THSD7B: variants seen among roughly 807,000 people sequenced by gnomAD.
The protein encoded by THSD7B is thrombospondin type-1 domain-containing protein 7B.
Under a neutral mutation model 213.6 loss-of-function variants are expected in THSD7B, and 138 were observed. That is an observed-to-expected ratio of 0.65 (90% CI 0.56 to 0.74). The LOEUF (loss-of-function observed/expected upper bound fraction) is 0.74, where lower values mean the gene tolerates loss of function less well. THSD7B is among the 30% of genes least tolerant of loss of function. The pLI is 0.00. For missense variants in THSD7B, 1,931 were observed against 1,991.5 expected (o/e 0.97, Z 0.58); for synonymous variants, 742 against 687.0 (o/e 1.08, Z -1.25).
intron 17 of THSD7B, among the ~76,000 whole-genome samples, chr2:137,607,423 AAT>A (rs1475641339): frequency 6.6e-6 from 1 of 152,196 alleles, no homozygotes; most frequent in Non-Finnish European, 1.5e-5. Context: ...TTGATAATTT[AAT>A]ATGTAATCCT....
chr2:137,306,061 G>T (rs1277628079), intron 12 of THSD7B, among the ~76,000 whole-genome samples: 1 of 152,158 alleles, frequency 6.6e-6, no homozygotes, highest in African/African-American at 2.4e-5. Flanking sequence ...AGGACTGGAA[G>T]TTGCTCTGGG....
intron 2 of THSD7B, among the ~76,000 whole-genome samples, chr2:136,992,845 G>A (rs1347977616): frequency 6.6e-6 from 1 of 152,120 alleles, no homozygotes; most frequent in East Asian, 1.9e-4. Flanking sequence ...CCAAGACTAC[G>A]CATGGGTCAT....
intron 27 of THSD7B, 21 bp downstream of exon 27, chr2:137,667,882 A>G (rs1393666553): frequency 1.3e-6 from 2 of 1,537,922 alleles, no homozygotes; most frequent in Admixed American, 3.9e-5. Context: ...ATTAGTAAAA[A>G]GTTTATGTTC....
rs564037110 is a variant in THSD7B, at chr2:137,324,175, C to T, written c.2500+48149C>T. ...TCATTTCACTTATCACATCAGTTTTCAATTTTTGATTACTTCTCTGTGTCC... is the reference window on the plus strand; with the variant it reads ...TCATTTCACTTATCACATCAGTTTTTAATTTTTGATTACTTCTCTGTGTCC... On this transcript the variant is annotated intron_variant, in intron 12 of 27. Transcript: ENST00000409968. Among the ~76,000 whole-genome samples the T allele has an allele frequency of 4.0e-4, 61 of 152,234 alleles. 1 individual carries two copies. The highest frequency in any genetic ancestry group is 1.2e-3 in the African/African-American group (48 of 41,556).
At chr2:137,029,965 T>A (rs1371898830) in intron 2 of THSD7B, among the ~76,000 whole-genome samples, 1 of 152,188 alleles carries the variant, frequency 6.6e-6, no homozygotes, top group African/African-American at 2.4e-5. Context: ...ATATTGGTCA[T>A]ATATTTGTGA....
intron 14 of THSD7B, among the ~76,000 whole-genome samples, chr2:137,418,834 G>A (rs1269352259): frequency 2.6e-5 from 4 of 151,956 alleles, no homozygotes; most frequent in African/African-American, 9.7e-5. Flanking sequence ...ATGACCTCCA[G>A]TTCAATCAAT....
intron 11 of THSD7B, among the ~76,000 whole-genome samples, chr2:137,275,401 T>A (rs1441206010): frequency 6.6e-6 from 1 of 152,090 alleles, no homozygotes; most frequent in East Asian, 1.9e-4. Context: ...TGTGAAGGTC[T>A]GTACCTCAAG....
chr2:137,237,292 A>G (rs1681786664), intron 9 of THSD7B, among the ~76,000 whole-genome samples: 1 of 152,236 alleles, frequency 6.6e-6, no homozygotes, highest in Non-Finnish European at 1.5e-5. Flanking sequence ...TTAAATTTTG[A>G]CAAAAGGCAA....
chr2:136,856,175 TA>T (rs1457127713), intron 1 of THSD7B, among the ~76,000 whole-genome samples: 1 of 152,210 alleles, frequency 6.6e-6, no homozygotes, highest in African/African-American at 2.4e-5. Context: ...GTCACTGGCA[TA>T]TGGTAGACTC....
chr2:137,431,376 G>A (rs917632368), intron 14 of THSD7B, among the ~76,000 whole-genome samples: 2 of 152,192 alleles, frequency 1.3e-5, no homozygotes, highest in Non-Finnish European at 1.5e-5. Flanking sequence ...TATAGTGGCT[G>A]CCCTTAAAGA....
At chr2:137,094,712 T>C (rs1343393242) in intron 3 of THSD7B, among the ~76,000 whole-genome samples, 161 bp from the exon 4 acceptor site, 3 of 152,192 alleles carry the variant, frequency 2.0e-5, no homozygotes, top group East Asian at 3.8e-4. Context: ...AATGTTACAC[T>C]CTTCAATATT....
chr2:137,101,402 T>G (rs1688147281), intron 4 of THSD7B, among the ~76,000 whole-genome samples: 2 of 152,192 alleles, frequency 1.3e-5, no homozygotes, highest in African/African-American at 4.8e-5. Context: ...TAATAAATGG[T>G]TGTCAGATAA....
intron 2 of THSD7B, among the ~76,000 whole-genome samples, chr2:136,912,834 CCT>C (rs539504842): frequency 1.2e-3 from 178 of 152,258 alleles, no homozygotes; most frequent in African/African-American, 4.1e-3. Flanking sequence ...TCCAATTAAA[CCT>C]CTTTTTCTTC....
At chr2:137,467,001 T>G (rs1573642166) in intron 15 of THSD7B, among the ~76,000 whole-genome samples, 1 of 152,196 alleles carries the variant, frequency 6.6e-6, no homozygotes, top group East Asian at 1.9e-4. Context: ...CTGGGAATCT[T>G]AAGTACAATA....
intron 2 of THSD7B, among the ~76,000 whole-genome samples, chr2:137,012,721 G>A (rs889267389): frequency 6.6e-6 from 1 of 152,220 alleles, no homozygotes; most frequent in African/African-American, 2.4e-5. Context: ...CATGTGGGCA[G>A]CTCTGGTTTC....
intron 1 of THSD7B, among the ~76,000 whole-genome samples, chr2:136,864,964 T>G (rs1048782555): frequency 1.3e-5 from 2 of 152,270 alleles, no homozygotes; most frequent in African/African-American, 4.8e-5. Context: ...TTCTAATCAA[T>G]ATTACCATGT....
At position 137,259,662 on chromosome 2, in the gene THSD7B, G is replaced by A. The variant is rs72973674; in HGVS notation, c.2267-12871G>A. Among the ~76,000 whole-genome samples the A allele has an allele frequency of 6.1e-3, 927 of 151,726 alleles. 12 individuals carry two copies. The highest frequency in any genetic ancestry group is 0.022 in the African/African-American group (901 of 41,218). On this transcript the variant is annotated intron_variant, in intron 10 of 27. Transcript: ENST00000409968. Reference sequence around the variant, plus strand: ...GTTCAATCTGATGCTAGTTTCTTTTGCTGCTTGCACAGTATTTTTTGCACG... The same window carrying A: ...GTTCAATCTGATGCTAGTTTCTTTTACTGCTTGCACAGTATTTTTTGCACG...
chr2:136,832,296 G>A (rs1296346439), intron 1 of THSD7B, among the ~76,000 whole-genome samples: 2 of 151,932 alleles, frequency 1.3e-5, no homozygotes, highest in Admixed American at 1.3e-4. Context: ...CTGCAAGCTG[G>A]AGAGCTGGAA....
At chr2:137,667,294 C>T (rs939982596) in intron 26 of THSD7B, among the ~76,000 whole-genome samples, 1 of 151,890 alleles carries the variant, frequency 6.6e-6, no homozygotes, top group Non-Finnish European at 1.5e-5. Context: ...GAGCTGTTAC[C>T]TATGTGTATT....
Sources: allele counts gnomAD v4.1 joint callset (sites outside exome capture counted in the v4.1 genomes callset), GRCh38; gene constraint gnomAD v4.1.1; transcripts MANE v1.5; gene names NCBI Gene and HGNC (gene_info 2026-07-23, HGNC 2026-07-21).